Variants in ANK3 observed in about 807,000 individuals in gnomAD.
ANK3 encodes the protein ankyrin 3.
Under a neutral mutation model 370.9 loss-of-function variants are expected in ANK3, and 57 were observed. That is an observed-to-expected ratio of 0.15 (90% CI 0.12 to 0.19). The LOEUF is 0.19. Among genes scored for constraint, ANK3 ranks in the 10% least tolerant of loss-of-function variants. ANK3 has a pLI of 1.00. For synonymous variants in ANK3, 1,929 were observed against 1,946.3 expected (o/e 0.99, Z 0.23); for missense variants, 4,439 against 5,302.1 (o/e 0.84, Z 5.06).
chr10:60,377,287 T>C lies in ANK3; in HGVS notation c.114+12138A>G, dbSNP rs111454961. Among the ~76,000 whole-genome samples, 442 of 152,336 alleles carry C rather than the reference T, an allele frequency of 2.9e-3. 2 individuals carry two copies. The highest frequency in any genetic ancestry group is 0.01 in the African/African-American group (419 of 41,586). ...CCTAACCAGCCAGGTAGCAGATATG[T>C]GGCCAGGATTTTAAAAACTGGACAT... On this transcript the variant is annotated intron_variant, in intron 1 of 43. Transcript: ENST00000280772.
At chr10:60,200,281 AT>A in intron 12 of ANK3, 54 bp from the exon 13 acceptor site, 1 of 1,392,378 alleles carries the variant, frequency 7.2e-7, no homozygotes. Flanking sequence ...AGAGTAGTGT[AT>A]TTTATTTGGC....
chr10:60,585,125 C>T (rs1450284590), intron 2 of ANK3, among the ~76,000 whole-genome samples: 2 of 152,180 alleles, frequency 1.3e-5, no homozygotes, highest in East Asian at 1.9e-4. Context: ...TACCTTCAAG[C>T]GAGATCCTGC....
intron 2 of ANK3, among the ~76,000 whole-genome samples, chr10:60,585,813 C>T (rs573397892): frequency 1.2e-4 from 19 of 152,112 alleles, no homozygotes; most frequent in Non-Finnish European, 2.4e-4. Context: ...CACCTGAGGT[C>T]AGGAGTTCAA....
rs202232309 is a variant in ANK3 at position 60,074,864 on chromosome 10, G to A, written c.6017C>T (p.Ala2006Val). 138 of 1,613,588 alleles carry A rather than the reference G, an allele frequency of 8.6e-5. No individual in the cohort carries two copies. Among genetic ancestry groups the A allele is most frequent in the Admixed American group, 1.8e-4 (11 of 59,934 alleles). The change falls in exon 37 of 44, where the codon GCG becomes GTG. Residue 2006 changes from alanine (A) to valine (V), a missense_variant. By Grantham distance (64) the Ala-to-Val change is moderately conservative. Around this residue, in one of 13 missense-constraint regions of ANK3, gnomAD observed 679 missense variants for 791.0 expected, o/e 0.86. Coordinates refer to ENST00000280772, the MANE Select transcript of ANK3 (RefSeq NM_020987.5). ...EIREARQQAA[A>V]SQSPSLPERV... Reference sequence around the variant, plus strand: ...CTCTGGCAGAGATGGAGACTGGCTCGCAGCAGCTTGTTGTCTGGCTTCCCG... The same window carrying A: ...CTCTGGCAGAGATGGAGACTGGCTCACAGCAGCTTGTTGTCTGGCTTCCCG...
At chr10:60,506,583 C>T (rs1230312338) in intron 2 of ANK3, among the ~76,000 whole-genome samples, 2 of 152,108 alleles carry the variant, frequency 1.3e-5, no homozygotes, top group East Asian at 3.9e-4. Flanking sequence ...TTAGCAGATG[C>T]AGACATGACT....
intron 7 of ANK3, among the ~76,000 whole-genome samples, chr10:60,243,056 T>C (rs1479414186): frequency 6.6e-6 from 1 of 151,976 alleles, no homozygotes; most frequent in East Asian, 1.9e-4. Context: ...CACCTAAGAG[T>C]GTGTTAAGAG....
At chr10:60,378,341 A>C (rs2061087051) in intron 1 of ANK3, among the ~76,000 whole-genome samples, 1 of 152,166 alleles carries the variant, frequency 6.6e-6, no homozygotes, top group African/African-American at 2.4e-5. Flanking sequence ...AGCTTTTTCC[A>C]CAGTTTTCTC....
At chr10:60,657,856 C>A (rs1191118264) in intron 1 of ANK3, among the ~76,000 whole-genome samples, 1 of 148,882 alleles carries the variant, frequency 6.7e-6, no homozygotes, top group African/African-American at 2.5e-5. Context: ...CTATTTATTC[C>A]TTTAGTTTTC....
chr10:60,268,740 G>A (rs1303062188), intron 5 of ANK3, among the ~76,000 whole-genome samples: 2 of 152,060 alleles, frequency 1.3e-5, no homozygotes, highest in African/African-American at 4.8e-5. Flanking sequence ...CAAATGTTCT[G>A]TAAAAGTGTT....
At chr10:60,589,356 A>G (rs1376732153) in intron 2 of ANK3, among the ~76,000 whole-genome samples, 2 of 152,232 alleles carry the variant, frequency 1.3e-5, no homozygotes, top group Admixed American at 1.3e-4. Context: ...AACAATATCA[A>G]TCTCATAGAA....
At chr10:60,641,935 GA>G (rs1172442071) in intron 1 of ANK3, among the ~76,000 whole-genome samples, 22 of 147,554 alleles carry the variant, frequency 1.5e-4, no homozygotes, top group Admixed American at 8.1e-4. Flanking sequence ...AAATTTACAA[GA>G]AAAAAACAAA....
intron 23 of ANK3, among the ~76,000 whole-genome samples, chr10:60,158,982 A>G (rs1269002607): frequency 1.3e-5 from 2 of 152,162 alleles, no homozygotes; most frequent in African/African-American, 4.8e-5. Flanking sequence ...AGCCAATAAA[A>G]AAAAATCACT....
At chr10:60,527,088 A>G (rs1258635917) in intron 2 of ANK3, among the ~76,000 whole-genome samples, 1 of 152,154 alleles carries the variant, frequency 6.6e-6, no homozygotes, top group Non-Finnish European at 1.5e-5. Flanking sequence ...AGCGTGCTAG[A>G]TGGGCAGTTA....
At chr10:60,124,739 CAGG>C (rs1327087613) in intron 25 of ANK3, among the ~76,000 whole-genome samples, 1 of 152,170 alleles carries the variant, frequency 6.6e-6, no homozygotes. Flanking sequence ...TAGTGGCCAG[CAGG>C]AGAATGGGTT....
intron 1 of ANK3, among the ~76,000 whole-genome samples, chr10:60,316,571 T>C (rs2047461153): frequency 6.6e-6 from 1 of 152,180 alleles, no homozygotes; most frequent in Non-Finnish European, 1.5e-5. Context: ...GGTTAATTAA[T>C]GTATATAAAG....
intron 1 of ANK3, among the ~76,000 whole-genome samples, chr10:60,287,223 G>A (rs12765897): frequency 6.6e-6 from 1 of 151,816 alleles, no homozygotes; most frequent in African/African-American, 2.4e-5. Flanking sequence ...ATCTCTACAG[G>A]CCTCTTACTT....
In ANK3 at chr10:60,071,710, T is replaced by C; in HGVS notation, c.9171A>G (p.Gly3057=). 1 of 1,597,738 alleles carries C rather than the reference T, an allele frequency of 6.3e-7. No individual in the cohort carries two copies. Among genetic ancestry groups the C allele is most frequent in the Non-Finnish European group, 8.5e-7 (1 of 1,174,284 alleles). ...ATACATCACTAGAGGGAGATTCCTTTCCTGGGCTAAACTCTAAAGAATCAG... is the reference window on the plus strand; with the variant it reads ...ATACATCACTAGAGGGAGATTCCTTCCCTGGGCTAAACTCTAAAGAATCAG... ...KSPDSLEFSP[G]KESPSSDVFD... is the part of the protein sequence containing the mutation. Residue 3057 remains glycine, a synonymous_variant, in exon 37 of 44, where the codon GGA becomes GGG. Transcript: ENST00000280772.
chr10:60,516,019 T>C (rs183048879), intron 2 of ANK3, among the ~76,000 whole-genome samples: 3 of 152,144 alleles, frequency 2.0e-5, no homozygotes, highest in East Asian at 1.9e-4. Flanking sequence ...TTGTGGTCAA[T>C]GCTTTGAACA....
Position 60,076,541 on chromosome 10 carries a change from C to G in ANK3, c.4433-93G>C, listed in dbSNP as rs868397812. On this transcript the variant is annotated intron_variant, in intron 36 of 43. Transcript: ENST00000280772. ...CCAGAGAAAAAAATTGGTCAGTAAA[C>G]TTTGAAATATTACAAAAGCAAGTAC... 12 of 1,432,592 alleles carry G rather than the reference C, an allele frequency of 8.4e-6. No individual in the cohort carries two copies. In the Middle Eastern group the frequency reaches 2.3e-3, roughly 270 times the overall value. 88.7% of individuals were successfully genotyped at this position (1,432,592 alleles called of 1,614,324 possible).
Sources: gnomAD v4.1 joint callset for allele counts (sites outside exome capture counted in the v4.1 genomes callset) on GRCh38, gnomAD v4.1.1 for gene constraint, gnomAD v4.1.1 regional missense constraint, MANE v1.5 for transcripts, NCBI Gene and HGNC (gene_info 2026-07-23, HGNC 2026-07-21) for gene names.